The following SGCD variants were observed in gnomAD, a reference collection of about 807,000 sequenced individuals.
The protein encoded by SGCD is delta-sarcoglycan.
A neutral mutation model predicts 36.6 loss-of-function variants in SGCD; 18 were observed. The ratio of observed to expected loss-of-function variants is 0.49; its 90% CI spans 0.34 to 0.73. SGCD has a LOEUF of 0.73. SGCD is among the 30% of genes least tolerant of loss of function. The pLI is 0.01. For missense variants in SGCD, 387 were observed against 346.7 expected, an observed-to-expected ratio of 1.12 and a Z score of -0.92; for synonymous variants, 133 against 130.6, an observed-to-expected ratio of 1.02 and a Z score of -0.12.
intron 3 of SGCD, among the ~76,000 whole-genome samples, chr5:156,290,339 CATT>C (rs1238614794): frequency 6.6e-6 from 1 of 152,122 alleles, no homozygotes; most frequent in Admixed American, 6.6e-5. Context: ...CCACAGTGGT[CATT>C]ATGTTCATAA....
rs1183233133 is a variant in SGCD, at chr5:156,487,854, A to G, written c.193-20747A>G. On this transcript the variant is annotated intron_variant, in intron 3 of 8. Coordinates refer to ENST00000337851, the MANE Select transcript of SGCD (RefSeq NM_000337.6). Reference sequence around the variant, plus strand: ...AAGCTTAACAAAAAAGAAATCTATGAAATGCCCAAAAAAGAATTCAAAATA... The same window carrying G: ...AAGCTTAACAAAAAAGAAATCTATGGAATGCCCAAAAAAGAATTCAAAATA... 2.0e-5 allele frequency among the ~76,000 whole-genome samples: 3 copies of G among 147,590 alleles called. No homozygotes were observed. The East Asian group carries it at 5.9e-4, about 29-fold the overall frequency.
At chr5:156,028,332 AAAAT>A (rs1363995831) in intron 1 of SGCD, among the ~76,000 whole-genome samples, 45 of 152,282 alleles carry the variant, frequency 3.0e-4, no homozygotes, top group Middle Eastern at 3.4e-3. Flanking sequence ...TTTCAGTTCA[AAAAT>A]AAATAGAGAA....
At chr5:155,932,845 A>C (rs1757124164) in intron 1 of SGCD, among the ~76,000 whole-genome samples, 1 of 152,102 alleles carries the variant, frequency 6.6e-6, no homozygotes, top group South Asian at 2.1e-4. Flanking sequence ...TCATATGCAA[A>C]AAGATGGAGT....
chr5:156,045,222 T>A (rs1483790943), intron 1 of SGCD, among the ~76,000 whole-genome samples: 2 of 152,106 alleles, frequency 1.3e-5, no homozygotes, highest in Non-Finnish European at 2.9e-5. Context: ...CTTAATACCA[T>A]CACAACAGCA....
intron 1 of SGCD, among the ~76,000 whole-genome samples, chr5:156,074,549 G>A (rs1240514188): frequency 2.6e-5 from 4 of 152,104 alleles, no homozygotes; most frequent in East Asian, 1.9e-4. Flanking sequence ...GGGCGTGGTG[G>A]CATGCCTGTA....
the SGCD span, among the ~76,000 whole-genome samples, chr5:155,862,831 G>A: frequency 4.9e-4 from 75 of 152,278 alleles, no homozygotes; most frequent in African/African-American, 1.7e-3. Context: ...TACATGCCAT[G>A]AAGATTTATG....
intron 7 of SGCD, among the ~76,000 whole-genome samples, chr5:156,737,042 T>C (rs1055347171): frequency 6.6e-6 from 1 of 152,248 alleles, no homozygotes; most frequent in Admixed American, 6.5e-5. Flanking sequence ...ATTTATTTAA[T>C]GGCTGGACCA....
chr5:156,129,867 C>T (rs1762269759), intron 3 of SGCD, among the ~76,000 whole-genome samples: 1 of 152,142 alleles, frequency 6.6e-6, no homozygotes, highest in Admixed American at 6.5e-5. Context: ...ATATATACAA[C>T]ATTTTCTTTA....
rs1329940592 is a variant in SGCD at position 156,765,335 on chromosome 5, G to A, written c.*5945G>A. 3.9e-5 allele frequency: 6 copies of A among 152,162 alleles called. No homozygotes were observed. Among genetic ancestry groups the A allele is most frequent in the Non-Finnish European group, 8.8e-5 (6 of 68,028 alleles). The allele number at this position is 152,162 out of a possible 1,614,324, so 9.4% of individuals were successfully genotyped here. A position where few individuals can be genotyped will look rare whatever the true frequency, so the allele number is the denominator to read the frequency against. On this transcript the variant is annotated 3_prime_UTR_variant, in exon 9 of 9. Coordinates refer to ENST00000337851, the MANE Select transcript of SGCD (RefSeq NM_000337.6). ...GTCTGAGGGCAGGAAGACGACACTT[G>A]TCAACAAGGAAGACAGTGTTTCTTT...
intron 1 of SGCD, among the ~76,000 whole-genome samples, chr5:156,056,644 T>TAAAAAAAAAAAAAAAAAAAAAAAAA (rs1561699543): frequency 1.5e-5 from 1 of 64,768 alleles, no homozygotes; most frequent in East Asian, 1.1e-3. Flanking sequence ...CAAATTATCC[T>TAAAAAAAAAAAAAAAAAAAAAAAAA]TAAAAAAAAA....
At chr5:156,022,276 T>C (rs371231547) in intron 1 of SGCD, among the ~76,000 whole-genome samples, 100 of 152,354 alleles carry the variant, frequency 6.6e-4, no homozygotes, top group African/African-American at 2.3e-3. Flanking sequence ...TGTTGTTATA[T>C]TGTGATTTCA....
At chr5:156,561,624 A>T (rs1247338414) in intron 4 of SGCD, among the ~76,000 whole-genome samples, 1 of 152,080 alleles carries the variant, frequency 6.6e-6, no homozygotes, top group African/African-American at 2.4e-5. Flanking sequence ...GAAATAATCA[A>T]CCTAATGGTG....
At chr5:156,598,991 G>A (rs755966388) in intron 6 of SGCD, among the ~76,000 whole-genome samples, 3 of 152,174 alleles carry the variant, frequency 2.0e-5, no homozygotes, top group Admixed American at 6.5e-5. Flanking sequence ...GCTTTTTTAT[G>A]TGAAATGTAG....
chr5:155,881,516 A>G (rs1755885499), intron 1 of SGCD, among the ~76,000 whole-genome samples: 1 of 152,206 alleles, frequency 6.6e-6, no homozygotes, highest in African/African-American at 2.4e-5. Context: ...GTGAGTAGTA[A>G]TCTTTATGCT....
chr5:156,334,758 C>T (rs1223662854), intron 2 of SGCD, among the ~76,000 whole-genome samples: 2 of 151,902 alleles, frequency 1.3e-5, no homozygotes, highest in Non-Finnish European at 2.9e-5. Context: ...GCTGTGAGAT[C>T]AGAGCTCTTT....
chr5:156,040,180 C>G (rs1174127123), intron 1 of SGCD, among the ~76,000 whole-genome samples: 1 of 152,146 alleles, frequency 6.6e-6, no homozygotes, highest in Non-Finnish European at 1.5e-5. Context: ...TGGTGCTTCA[C>G]CCCTTGCATA....
intron 3 of SGCD, among the ~76,000 whole-genome samples, chr5:156,197,527 T>A (rs560312967): frequency 1.2e-3 from 184 of 150,232 alleles, no homozygotes; most frequent in South Asian, 4.4e-3. Context: ...AGTATTAGGG[T>A]TGAAAGAGAG....
intron 3 of SGCD, among the ~76,000 whole-genome samples, chr5:156,442,499 C>G (rs1398571493): frequency 6.6e-6 from 1 of 152,198 alleles, no homozygotes; most frequent in African/African-American, 2.4e-5. Context: ...TGCATATATA[C>G]TGCAGCATGA....
chr5:155,891,558 C>CTGTTTTTTTTTTTTTTTTTTTT (rs1756129929), intron 1 of SGCD, among the ~76,000 whole-genome samples: 1 of 60,778 alleles, frequency 1.6e-5, no homozygotes, highest in Non-Finnish European at 2.8e-5. Context: ...AATAAATACT[C>CTGTTTTTTTTTTTTTTTTTTTT]TTTTTTTTTT....
Sources: allele counts gnomAD v4.1 joint callset (sites outside exome capture counted in the v4.1 genomes callset), GRCh38; gene constraint gnomAD v4.1.1; transcripts MANE v1.5; gene names NCBI Gene and HGNC (gene_info 2026-07-23, HGNC 2026-07-21).